Variants in SHB observed in about 807,000 individuals in gnomAD.
SHB encodes SH2 domain-containing adapter protein B.
In SHB, 20 loss-of-function variants were observed where a neutral mutation model predicts 52.3. The observed-to-expected ratio is 0.38, with a 90% CI of 0.27 to 0.56. The LOEUF (loss-of-function observed/expected upper bound fraction) is 0.56. Among genes scored for constraint, SHB ranks in the 20% least tolerant of loss-of-function variants. The pLI, the probability that SHB is intolerant of heterozygous loss-of-function variation, is 0.71. For missense variants in SHB, 825 were observed against 723.3 expected, an observed-to-expected ratio of 1.14 and a Z score of -1.61; for synonymous variants, 397 against 316.5, an observed-to-expected ratio of 1.25 and a Z score of -2.70.
chr9:37,973,327 G>A (rs566645639), intron 3 of SHB, among the ~76,000 whole-genome samples: 1 of 152,284 alleles, frequency 6.6e-6, no homozygotes, highest in South Asian at 2.1e-4. Flanking sequence ...AGGTTCAAGC[G>A]ATTCTCCTGC....
At chr9:37,947,413 A>G (rs1007214312) in intron 5 of SHB, among the ~76,000 whole-genome samples, 4 of 152,126 alleles carry the variant, frequency 2.6e-5, no homozygotes, top group Non-Finnish European at 4.4e-5. Context: ...CTGTCTATGC[A>G]TTGTCTGCCC....
chr9:37,973,402 T>C (rs1820613830), intron 3 of SHB, among the ~76,000 whole-genome samples: 3 of 152,262 alleles, frequency 2.0e-5, no homozygotes, highest in South Asian at 4.1e-4. Flanking sequence ...TTTGTATTTT[T>C]AGTAGAGATA....
At chr9:37,928,747 G>A (rs1457449008) in intron 5 of SHB, among the ~76,000 whole-genome samples, 5 of 152,236 alleles carry the variant, frequency 3.3e-5, no homozygotes, top group East Asian at 1.9e-4. Context: ...GACGAATCCC[G>A]GCTCGCCTGG....
intron 2 of SHB, among the ~76,000 whole-genome samples, chr9:37,988,334 G>T (rs1820837145): frequency 6.6e-6 from 1 of 152,216 alleles, no homozygotes; most frequent in South Asian, 2.1e-4. Context: ...GATGAGGTGA[G>T]AGGGGTTGAA....
At chr9:38,031,103 C>T (rs1353497356) in intron 1 of SHB, among the ~76,000 whole-genome samples, 1 of 152,182 alleles carries the variant, frequency 6.6e-6, no homozygotes, top group African/African-American at 2.4e-5. Flanking sequence ...GGGAGCATCA[C>T]GAGGTCAGGA....
intron 3 of SHB, among the ~76,000 whole-genome samples, chr9:37,966,188 A>T (rs150843723): frequency 6.6e-6 from 1 of 152,386 alleles, no homozygotes; most frequent in African/African-American, 2.4e-5. Flanking sequence ...CACAGATCAC[A>T]GGTGTGAACA....
chr9:38,025,579 C>T (rs1315542024), intron 1 of SHB, among the ~76,000 whole-genome samples: 1 of 152,198 alleles, frequency 6.6e-6, no homozygotes, highest in East Asian at 1.9e-4. Context: ...ACTAGTTAAG[C>T]TCAGGGTCAC....
At chr9:37,948,851 T>TG in intron 4 of SHB, 97 bp from the exon 5 acceptor site, 1 of 1,503,476 alleles carries the variant, frequency 6.7e-7, no homozygotes, top group African/African-American at 1.4e-5. Context: ...AGAGCCTCCC[T>TG]GTACAAGCAG....
chr9:38,068,586 C>CG lies in SHB; in HGVS notation c.59dup (p.Gln21AlafsTer225), dbSNP rs1385254953. ...CGCGGTAGTCTGGCCGCGGCGGCTGCGGGGGGCTCTTGGTCTTGCTGTTGC... is the reference window on the plus strand; with the variant it reads ...CGCGGTAGTCTGGCCGCGGCGGCTGCGGGGGGGCTCTTGGTCTTGCTGTTGC... On this transcript the variant is annotated frameshift_variant, in exon 1 of 6. Transcript: ENST00000377707. LOFTEE classifies it high-confidence loss of function. 8 of 1,490,330 alleles carry CG rather than the reference C, an allele frequency of 5.4e-6. No homozygotes were observed. Among genetic ancestry groups the CG allele is most frequent in the South Asian group, 2.6e-5 (2 of 77,494 alleles). The allele number at this position is 1,490,330 out of a possible 1,614,324, so 92.3% of individuals were successfully genotyped here. A position where few individuals can be genotyped will look rare whatever the true frequency, so the allele number is the denominator to read the frequency against.
intron 5 of SHB, among the ~76,000 whole-genome samples, chr9:37,944,369 G>A (rs1832468689): frequency 6.6e-6 from 1 of 152,218 alleles, no homozygotes; most frequent in African/African-American, 2.4e-5. Context: ...TCAGCTGCCA[G>A]CCGGGCAGCC....
intron 3 of SHB, among the ~76,000 whole-genome samples, chr9:37,972,377 G>T (rs1159786489): frequency 3.3e-5 from 5 of 152,166 alleles, no homozygotes; most frequent in Admixed American, 2.0e-4. Flanking sequence ...AAATGCACAG[G>T]GGAGACCTGG....
chr9:38,031,720 G>C (rs1305729332), intron 1 of SHB, among the ~76,000 whole-genome samples: 1 of 152,186 alleles, frequency 6.6e-6, no homozygotes, highest in African/African-American at 2.4e-5. Context: ...CTTGACAACG[G>C]CTGTATGAAT....
intron 5 of SHB, among the ~76,000 whole-genome samples, chr9:37,923,416 C>T (rs1411749421): frequency 6.6e-6 from 1 of 152,190 alleles, no homozygotes; most frequent in Non-Finnish European, 1.5e-5. Context: ...ATTGGTGGAG[C>T]CCCCCAGCCT....
chr9:37,949,414 A>G (rs989861394), intron 4 of SHB, among the ~76,000 whole-genome samples: 1 of 151,818 alleles, frequency 6.6e-6, no homozygotes, highest in African/African-American at 2.4e-5. Flanking sequence ...AAAAAAAGAA[A>G]AAGAAAAAAG....
chr9:37,943,141 G>T (rs1325181919), intron 5 of SHB, among the ~76,000 whole-genome samples: 2 of 152,164 alleles, frequency 1.3e-5, no homozygotes, highest in African/African-American at 2.4e-5. Context: ...TCTTAGGCAA[G>T]CTCCGCCCTG....
At chr9:37,969,732 T>C (rs1419407866) in intron 3 of SHB, among the ~76,000 whole-genome samples, 1 of 152,246 alleles carries the variant, frequency 6.6e-6, no homozygotes, top group African/African-American at 2.4e-5. Flanking sequence ...TTTGTCCATC[T>C]TGCAATCTGT....
intron 1 of SHB, among the ~76,000 whole-genome samples, chr9:38,045,732 G>A (rs1314096072): frequency 1.3e-5 from 2 of 152,120 alleles, no homozygotes; most frequent in East Asian, 1.9e-4. Flanking sequence ...CAATAAAAAC[G>A]GTGCATTTTA....
Position 38,023,588 on chromosome 9 carries a change from G to A in SHB, c.718-7457C>T, listed in dbSNP as rs540685644. Reference sequence around the variant, plus strand: ...GGCCCCGGTGATTACCAGGGAAAATGGGTACAATTATGCATGACAACAGCT... The same window carrying A: ...GGCCCCGGTGATTACCAGGGAAAATAGGTACAATTATGCATGACAACAGCT... On this transcript the variant is annotated intron_variant, in intron 1 of 5. Transcript: ENST00000377707. Among the ~76,000 whole-genome samples the A allele has an allele frequency of 3.3e-5, 5 of 152,316 alleles. No individual in the cohort carries two copies. In the East Asian group the frequency reaches 7.7e-4, roughly 24 times the overall value.
intron 3 of SHB, among the ~76,000 whole-genome samples, chr9:37,963,767 C>T (rs191673065): frequency 9.2e-5 from 14 of 152,198 alleles, no homozygotes; most frequent in Admixed American, 5.9e-4. Flanking sequence ...ACATGACCCC[C>T]GGAGTCTATG....
Sources: gnomAD v4.1 joint callset for allele counts (sites outside exome capture counted in the v4.1 genomes callset) on GRCh38, gnomAD v4.1.1 for gene constraint, MANE v1.5 for transcripts, NCBI Gene and HGNC (gene_info 2026-07-23, HGNC 2026-07-21) for gene names.